The following NRG3 variants were observed in gnomAD, a reference collection of about 807,000 sequenced individuals.
The protein encoded by NRG3 is neuregulin 3.
NRG3 carries 31 observed loss-of-function variants against 66.9 expected under a neutral mutation model. That is an observed-to-expected ratio of 0.46 (90% CI 0.35 to 0.63). The LOEUF (loss-of-function observed/expected upper bound fraction) is 0.63. Ranked by LOEUF, NRG3 falls within the 20% of genes least tolerant of loss-of-function variation. The pLI, the probability that NRG3 is intolerant of heterozygous loss-of-function variation, is 0.00. For missense variants in NRG3, 910 were observed against 878.9 expected, an observed-to-expected ratio of 1.04 and a Z score of -0.45; for synonymous variants, 393 against 359.4, an observed-to-expected ratio of 1.09 and a Z score of -1.06.
chr10:82,457,252 A>AT (rs1167681186), intron 2 of NRG3, among the ~76,000 whole-genome samples: 3 of 151,980 alleles, frequency 2.0e-5, no homozygotes, highest in Non-Finnish European at 4.4e-5. Flanking sequence ...GTGGAAGACA[A>AT]TTTTTTTCCA....
chr10:82,441,697 G>T (rs1239614727), intron 2 of NRG3, among the ~76,000 whole-genome samples: 1 of 152,112 alleles, frequency 6.6e-6, no homozygotes, highest in Admixed American at 6.5e-5. Context: ...GGAAAACCAA[G>T]GGTGGTGTAT....
chr10:82,940,453 T>C (rs747457650), intron 4 of NRG3, among the ~76,000 whole-genome samples: 1 of 152,210 alleles, frequency 6.6e-6, no homozygotes, highest in Non-Finnish European at 1.5e-5. Flanking sequence ...TGTCTATCTC[T>C]GTGTCCAAAT....
chr10:82,020,978 C>T (rs1206216926), intron 1 of NRG3, among the ~76,000 whole-genome samples: 2 of 152,014 alleles, frequency 1.3e-5, no homozygotes, highest in Non-Finnish European at 2.9e-5. Flanking sequence ...TATGGCAAGG[C>T]TCCTGAAGAA....
At chr10:82,491,076 C>T (rs1295497525) in intron 2 of NRG3, among the ~76,000 whole-genome samples, 1 of 151,632 alleles carries the variant, frequency 6.6e-6, no homozygotes, top group Non-Finnish European at 1.5e-5. Context: ...CTACACCCAT[C>T]ATACCATCAC....
intron 1 of NRG3, among the ~76,000 whole-genome samples, chr10:82,331,899 G>C (rs2082153879): frequency 6.6e-6 from 1 of 152,330 alleles, no homozygotes; most frequent in African/African-American, 2.4e-5. Flanking sequence ...GAACAAGCTG[G>C]ATGCCAAGGA....
chr10:82,056,978 A>G (rs1364158868), intron 1 of NRG3, among the ~76,000 whole-genome samples: 1 of 152,056 alleles, frequency 6.6e-6, no homozygotes, highest in Non-Finnish European at 1.5e-5. Context: ...GATTCTGATC[A>G]TTGTTATCTC....
At chr10:82,121,903 G>T (rs111258384) in intron 1 of NRG3, among the ~76,000 whole-genome samples, 2,627 of 152,222 alleles carry the variant, frequency 0.017, 83 homozygotes, top group African/African-American at 0.059. Flanking sequence ...CTCCCAAAGT[G>T]CTAGGATTAT....
chr10:82,322,540 T>G (rs2135155671), intron 1 of NRG3, among the ~76,000 whole-genome samples: 1 of 151,762 alleles, frequency 6.6e-6, no homozygotes, highest in Non-Finnish European at 1.5e-5. Context: ...ATATTAGCTT[T>G]TTTTTTTTAA....
chr10:82,264,249 TG>T (rs879803816), intron 1 of NRG3, among the ~76,000 whole-genome samples: 3 of 152,154 alleles, frequency 2.0e-5, no homozygotes, highest in African/African-American at 7.2e-5. Flanking sequence ...TCCACATTGC[TG>T]GGGGGCCTCA....
intron 2 of NRG3, among the ~76,000 whole-genome samples, chr10:82,552,813 TGATGG>T (rs1490176461): frequency 6.6e-6 from 1 of 152,132 alleles, no homozygotes; most frequent in Non-Finnish European, 1.5e-5. Context: ...AGAAGTTAAG[TGATGG>T]GTTCAAAAAC....
At chr10:82,794,688 C>T (rs1212420639) in intron 3 of NRG3, among the ~76,000 whole-genome samples, 1 of 152,024 alleles carries the variant, frequency 6.6e-6, no homozygotes, top group Non-Finnish European at 1.5e-5. Flanking sequence ...ACCAAGTTGC[C>T]CTCAAGCTTA....
At chr10:81,934,235 A>G (rs1034387780) in intron 1 of NRG3, among the ~76,000 whole-genome samples, 2 of 152,210 alleles carry the variant, frequency 1.3e-5, no homozygotes, top group Non-Finnish European at 2.9e-5. Flanking sequence ...TAGTAAGTGT[A>G]TGAAATCTTC....
chr10:82,397,605 CA>C, intron 2 of NRG3, among the ~76,000 whole-genome samples: 1 of 152,026 alleles, frequency 6.6e-6, no homozygotes, highest in East Asian at 1.9e-4. Flanking sequence ...AGCCACTGGC[CA>C]GCTTCTAAAT....
Position 82,112,249 on chromosome 10 carries a change from G to C in NRG3, c.823+236086G>C, listed in dbSNP as rs79163175. ...CAGAGTGAGACCCTGTCTTAAAAAA[G>C]AAAACAAAAGAAAACAAAACACCTT... On this transcript the variant is annotated intron_variant, in intron 1 of 8. Transcript: ENST00000372141. Among the ~76,000 whole-genome samples the C allele has an allele frequency of 2.2e-3, 335 of 152,070 alleles. 1 individual carries two copies. The highest frequency in any genetic ancestry group is 7.1e-3 in the African/African-American group (296 of 41,508).
intron 2 of NRG3, among the ~76,000 whole-genome samples, chr10:82,437,192 C>T (rs2090185323): frequency 6.6e-6 from 1 of 152,052 alleles, no homozygotes; most frequent in Non-Finnish European, 1.5e-5. Context: ...TAGGTTTGGT[C>T]TTTTCACATA....
intron 1 of NRG3, among the ~76,000 whole-genome samples, chr10:81,983,180 G>A (rs2060398691): frequency 6.6e-6 from 1 of 152,166 alleles, no homozygotes; most frequent in South Asian, 2.1e-4. Context: ...CTCTATCCAT[G>A]TCTGGAAATA....
intron 1 of NRG3, among the ~76,000 whole-genome samples, chr10:82,202,633 G>C (rs1469926926): frequency 6.6e-6 from 1 of 152,126 alleles, no homozygotes; most frequent in African/African-American, 2.4e-5. Context: ...CTTTTCCTGT[G>C]GTCGGAATGC....
intron 1 of NRG3, among the ~76,000 whole-genome samples, chr10:82,346,852 T>C (rs1282044695): frequency 6.6e-6 from 1 of 152,176 alleles, no homozygotes; most frequent in African/African-American, 2.4e-5. Context: ...TTTATTTGTG[T>C]AGAGGTGTTT....
intron 4 of NRG3, among the ~76,000 whole-genome samples, chr10:82,885,821 C>T (rs1842673595): frequency 6.6e-6 from 1 of 151,988 alleles, no homozygotes; most frequent in Non-Finnish European, 1.5e-5. Context: ...CTCATCCTCC[C>T]AAAGTGCTGG....
Sources: allele counts gnomAD v4.1 joint callset (sites outside exome capture counted in the v4.1 genomes callset), GRCh38; gene constraint gnomAD v4.1.1; transcripts MANE v1.5; gene names NCBI Gene and HGNC (gene_info 2026-07-23, HGNC 2026-07-21).